Variants in COA1 observed in about 807,000 individuals in gnomAD.
The protein encoded by COA1 is cytochrome c oxidase assembly factor 1 homolog.
In COA1, 13 loss-of-function variants were observed where a neutral mutation model predicts 16.0. The observed-to-expected ratio is 0.81, with a 90% CI of 0.53 to 1.29. COA1 has a LOEUF of 1.29. Ranked by LOEUF, COA1 falls within the 50% of genes most tolerant of loss-of-function variation. The probability of loss-of-function intolerance (pLI) is 0.00; values close to 1 mark genes in which losing one functional copy is unlikely to be tolerated. For synonymous variants in COA1, 65 were observed against 65.7 expected, an observed-to-expected ratio of 0.99 and a Z score of 0.05; for missense variants, 179 against 177.0, an observed-to-expected ratio of 1.01 and a Z score of -0.06.
At position 43,720,179 on chromosome 7, in the gene COA1, T is replaced by C. The variant is rs111520838; in HGVS notation, c.-39+9250A>G. On this transcript the variant is annotated intron_variant, in intron 1 of 5. Coordinates refer to ENST00000223336, the MANE Select transcript of COA1 (RefSeq NM_018224.4). The stretch of plus-strand genomic sequence containing the variant: ...CTGTAATCCCAGCTACTCGGGAGGC[T>C]GAGGCAGGAGAATTGCTTGAAACCG... 7.0e-3 allele frequency among the ~76,000 whole-genome samples: 1,059 copies of C among 151,798 alleles called. 6 individuals carry two copies. The highest frequency in any genetic ancestry group is 0.011 in the Non-Finnish European group (751 of 67,948).
Position 43,612,336 on chromosome 7 carries a change from C to G in COA1, c.*134-2841G>C, listed in dbSNP as rs555468083. Among the ~76,000 whole-genome samples, 115 of 152,256 alleles carry G rather than the reference C, an allele frequency of 7.6e-4. 3 individuals carry two copies. In the South Asian group the frequency reaches 0.023, roughly 31 times the overall value. ...GGGGTTGGTATGGCAACCATGCATGCGGGAGTGATTTCTACTAAAAGGTCA... is the reference window on the plus strand; with the variant it reads ...GGGGTTGGTATGGCAACCATGCATGGGGGAGTGATTTCTACTAAAAGGTCA... On this transcript the variant is annotated intron_variant and NMD_transcript_variant, in intron 6 of 6. Coordinates refer to the COA1 transcript ENST00000415076.
At chr7:43,630,944 C>T (rs1366481941) in intron 6 of COA1, among the ~76,000 whole-genome samples, 2 of 152,128 alleles carry the variant, frequency 1.3e-5, no homozygotes, top group Admixed American at 1.3e-4. Context: ...ACATTGAGAT[C>T]TATGTCAGAC....
At chr7:43,667,170 T>C (rs1267445404) in intron 1 of COA1, among the ~76,000 whole-genome samples, 2 of 152,232 alleles carry the variant, frequency 1.3e-5, no homozygotes, top group Non-Finnish European at 2.9e-5. Flanking sequence ...TGAGTCATCA[T>C]TTGGCAATCT....
chr7:43,644,752 A>AGATAGATG (rs1554501315), intron 4 of COA1, among the ~76,000 whole-genome samples: 12 of 89,716 alleles, frequency 1.3e-4, no homozygotes, highest in Non-Finnish European at 2.5e-4. Flanking sequence ...ATAGATAGAT[A>AGATAGATG]GATAGATAGG....
At chr7:43,619,161 T>G (rs1187453127) in intron 6 of COA1, among the ~76,000 whole-genome samples, 2 of 152,164 alleles carry the variant, frequency 1.3e-5, no homozygotes, top group Non-Finnish European at 2.9e-5. Flanking sequence ...TCTTTGATTA[T>G]TGAAGTTATT....
chr7:43,623,769 TAAAC>T (rs1385354790), intron 6 of COA1: 1 of 1,608,624 alleles, frequency 6.2e-7, no homozygotes, highest in Non-Finnish European at 8.5e-7. Flanking sequence ...TAGGCAATGA[TAAAC>T]AAGAAACATT....
At chr7:43,623,922 TAATTC>T in intron 6 of COA1, 2 of 1,322,814 alleles carry the variant, frequency 1.5e-6, no homozygotes, top group South Asian at 4.3e-5. Context: ...AATATTGAAC[TAATTC>T]AATATTAAAA....
intron 1 of COA1, among the ~76,000 whole-genome samples, chr7:43,727,589 A>G (rs1268544373): frequency 1.3e-5 from 2 of 152,256 alleles, no homozygotes; most frequent in African/African-American, 4.8e-5. Flanking sequence ...AATGTTAAGT[A>G]AAAGAAGCCA....
In COA1 at chr7:43,640,642, A is replaced by G. The variant is rs1210438605; in HGVS notation, c.272T>C (p.Ile91Thr). 9 of 1,602,482 alleles carry G rather than the reference A, an allele frequency of 5.6e-6. No homozygotes were observed. The highest frequency in any genetic ancestry group is 7.7e-6 in the Non-Finnish European group (9 of 1,174,696). Reference sequence around the variant, plus strand: ...CTCTGATTTGGATCCAGAGACAGGAATCTTCAACTGTGGGTGTAAAATGAC... The same window carrying G: ...CTCTGATTTGGATCCAGAGACAGGAGTCTTCAACTGTGGGTGTAAAATGAC... The part of the protein sequence containing the change: ...FVDIVDAKLK[I>T]PVSGSKSEGL... Residue 91 changes from isoleucine (I) to threonine (T), a missense_variant, in exon 5 of 6, where the codon ATT becomes ACT. Physicochemically the swap from Ile to Thr is moderately conservative, Grantham distance 89. Transcript: ENST00000223336.
Position 43,610,540 on chromosome 7 carries a change from G to A in COA1, c.*134-1045C>T, listed in dbSNP as rs373177586. ...AAATTAGCCAAGTGTGGTGGCGCAC[G>A]CCTATAGTCCCAGCTACTCCAGAGG... On this transcript the variant is annotated intron_variant and NMD_transcript_variant, in intron 6 of 6. Transcript: ENST00000415076. 3.0e-4 allele frequency among the ~76,000 whole-genome samples: 45 copies of A among 151,666 alleles called. No homozygotes were observed. The South Asian group carries it at 8.3e-3, about 28-fold the overall frequency.
intron 1 of COA1, among the ~76,000 whole-genome samples, chr7:43,683,450 G>A (rs190256830): frequency 2.6e-4 from 39 of 152,100 alleles, no homozygotes; most frequent in Non-Finnish European, 4.3e-4. Flanking sequence ...GGCTAACACG[G>A]TGAAACCTCA....
At chr7:43,648,302 G>A (rs1372672839) in intron 2 of COA1, 2 of 523,828 alleles carry the variant, frequency 3.8e-6, no homozygotes, top group African/African-American at 3.8e-5. Flanking sequence ...TCTGAAGAAT[G>A]TATTAGTCAG....
At chr7:43,672,745 G>A (rs1374307669) in intron 1 of COA1, among the ~76,000 whole-genome samples, 1 of 143,196 alleles carries the variant, frequency 7.0e-6, no homozygotes, top group Non-Finnish European at 1.5e-5. Flanking sequence ...ACTCCAGCCT[G>A]ACAACAGAGC....
chr7:43,706,289 G>A (rs1351483561), intron 1 of COA1, among the ~76,000 whole-genome samples: 1 of 152,092 alleles, frequency 6.6e-6, no homozygotes, highest in Non-Finnish European at 1.5e-5. Context: ...TGTAATCCCA[G>A]TACTTTGGGA....
intron 1 of COA1, among the ~76,000 whole-genome samples, chr7:43,693,613 T>G (rs1457286061): frequency 1.3e-5 from 2 of 152,126 alleles, no homozygotes; most frequent in African/African-American, 4.8e-5. Context: ...TCCATAATTT[T>G]TAAAGTTCCA....
chr7:43,681,811 G>A (rs571297556), intron 1 of COA1, among the ~76,000 whole-genome samples: 6 of 152,224 alleles, frequency 3.9e-5, no homozygotes, highest in Non-Finnish European at 8.8e-5. Context: ...GGAACATTCT[G>A]TAGTTTGTCT....
At chr7:43,616,805 G>T (rs1466585062) in intron 6 of COA1, among the ~76,000 whole-genome samples, 2 of 152,170 alleles carry the variant, frequency 1.3e-5, no homozygotes, top group African/African-American at 4.8e-5. Context: ...GCTGAGGCAG[G>T]AGAATGGCCT....
chr7:43,655,030 GA>G (rs35359766), intron 1 of COA1, among the ~76,000 whole-genome samples: 22,358 of 151,832 alleles, frequency 0.15, 2,194 homozygotes, highest in Non-Finnish European at 0.22. Context: ...GCAACTTATT[GA>G]AAAAAAATCC....
chr7:43,667,690 G>A (rs922558107), intron 1 of COA1, among the ~76,000 whole-genome samples: 2 of 152,166 alleles, frequency 1.3e-5, no homozygotes, highest in African/African-American at 4.8e-5. Context: ...CACTGGAATA[G>A]AGGAAGAACA....
Sources: gnomAD v4.1 joint callset for allele counts (sites outside exome capture counted in the v4.1 genomes callset) on GRCh38, gnomAD v4.1.1 for gene constraint, MANE v1.5 for transcripts, NCBI Gene and HGNC (gene_info 2026-07-23, HGNC 2026-07-21) for gene names.